ATRNL1: variants seen among roughly 807,000 people sequenced by gnomAD.
ATRNL1 encodes attractin-like protein 1.
In ATRNL1, 95 loss-of-function variants were observed where a neutral mutation model predicts 182.7. The observed-to-expected ratio is 0.52, with a 90% confidence interval of 0.44 to 0.62. ATRNL1 has a LOEUF of 0.62. Ranked by LOEUF, ATRNL1 falls within the 20% of genes least tolerant of loss-of-function variation. The pLI is 0.00. For synonymous variants in ATRNL1, 576 were observed against 568.3 expected (o/e 1.01, Z -0.19); for missense variants, 1,471 against 1,679.5 (o/e 0.88, Z 2.17).
chr10:115,685,246 A>C (rs1946178982), intron 26 of ATRNL1, among the ~76,000 whole-genome samples: 1 of 151,764 alleles, frequency 6.6e-6, no homozygotes, highest in African/African-American at 2.4e-5. Context: ...AAAATCAAGA[A>C]GTTAGAACTC....
intron 26 of ATRNL1, among the ~76,000 whole-genome samples, chr10:115,604,122 C>G (rs563508329): frequency 3.3e-4 from 50 of 151,972 alleles, no homozygotes; most frequent in Admixed American, 3.3e-3. Context: ...GCTTCTTGGC[C>G]TAATAAACTT....
intron 26 of ATRNL1, among the ~76,000 whole-genome samples, chr10:115,563,766 G>C (rs1290435739): frequency 2.0e-5 from 3 of 151,976 alleles, no homozygotes; most frequent in Admixed American, 6.6e-5. Context: ...TGAATAATTG[G>C]CTTTCACAAT....
chr10:115,901,564 C>A (rs1555113565), intron 28 of ATRNL1, among the ~76,000 whole-genome samples: 1 of 151,610 alleles, frequency 6.6e-6, no homozygotes, highest in African/African-American at 2.4e-5. Context: ...ATATGGTGCC[C>A]TTTGTCTCAT....
intron 28 of ATRNL1, among the ~76,000 whole-genome samples, chr10:115,943,120 G>A (rs1463422720): frequency 3.9e-5 from 6 of 152,152 alleles, no homozygotes. Context: ...TACTTAAGAC[G>A]CTTGTCAGCT....
chr10:115,588,859 A>G (rs1855739198), intron 26 of ATRNL1, among the ~76,000 whole-genome samples: 1 of 152,230 alleles, frequency 6.6e-6, no homozygotes, highest in Admixed American at 6.5e-5. Flanking sequence ...CATCTTGCAG[A>G]TATTACCACT....
At chr10:115,498,132 G>T (rs7071124) in intron 24 of ATRNL1, among the ~76,000 whole-genome samples, 59,816 of 151,856 alleles carry the variant, frequency 0.39, 12,716 homozygotes, top group Middle Eastern at 0.49. Context: ...TTTAAATATA[G>T]TAATTACCCA....
Position 115,219,915 on chromosome 10 carries a change from AAGAG to A in ATRNL1, c.1532+4047_1532+4050del, listed in dbSNP as rs576113531. On this transcript the variant is annotated intron_variant, in intron 9 of 28. Transcript: ENST00000355044. The stretch of plus-strand genomic sequence containing the variant: ...GAGACCCTGTCTCAAAAAAACAAAA[AAGAG>A]AGAGAGAGAGAAATGTGCACATAAC... Among the ~76,000 whole-genome samples, 56 of 151,876 alleles carry A rather than the reference AAGAG, an allele frequency of 3.7e-4. 1 individual carries two copies. Among genetic ancestry groups the A allele is most frequent in the African/African-American group, 1.3e-3 (55 of 41,458 alleles).
At chr10:115,676,551 A>G (rs1945867215) in intron 26 of ATRNL1, among the ~76,000 whole-genome samples, 1 of 151,990 alleles carries the variant, frequency 6.6e-6, no homozygotes, top group Middle Eastern at 3.2e-3. Flanking sequence ...CTATGTATGT[A>G]TATCTGTATT....
At chr10:115,872,726 C>T (rs962388568) in intron 28 of ATRNL1, among the ~76,000 whole-genome samples, 4 of 152,126 alleles carry the variant, frequency 2.6e-5, no homozygotes, top group East Asian at 1.9e-4. Context: ...TTGCAGTTTC[C>T]GGGAGATACT....
In ATRNL1 at chr10:115,097,646, C is replaced by T. The variant is rs2085048865; in HGVS notation, c.293+3603C>T. Among the ~76,000 whole-genome samples, 7 of 152,146 alleles carry T rather than the reference C, an allele frequency of 4.6e-5. No homozygotes were observed. The South Asian group carries it at 1.2e-3, about 27-fold the overall frequency. On this transcript the variant is annotated intron_variant, in intron 1 of 28. Coordinates refer to ENST00000355044, the MANE Select transcript of ATRNL1 (RefSeq NM_207303.4). ...AGCTGTTAAAAATATATGCATATTGCCTGGCTTGGTGTCTCACGCCTGTAA... is the reference window on the plus strand; with the variant it reads ...AGCTGTTAAAAATATATGCATATTGTCTGGCTTGGTGTCTCACGCCTGTAA...
At chr10:115,128,484 T>C in intron 4 of ATRNL1, 1 of 738,944 alleles carries the variant, frequency 1.4e-6, no homozygotes, top group Non-Finnish European at 1.7e-6. Context: ...TATTATGGAA[T>C]TTATTTATCC....
At chr10:115,324,398 T>G (rs1275628409) in intron 18 of ATRNL1, among the ~76,000 whole-genome samples, 1 of 152,218 alleles carries the variant, frequency 6.6e-6, no homozygotes, top group African/African-American at 2.4e-5. Context: ...TCTAGTCCTT[T>G]ATGTAAAAAA....
At chr10:115,728,079 T>C (rs1555060975) in intron 27 of ATRNL1, among the ~76,000 whole-genome samples, 1 of 126,874 alleles carries the variant, frequency 7.9e-6, no homozygotes, top group African/African-American at 3.1e-5. Context: ...ATCGCGACCA[T>C]CCTGGCTAAC....
intron 21 of ATRNL1, among the ~76,000 whole-genome samples, chr10:115,450,819 G>C (rs1554967497): frequency 6.6e-6 from 1 of 152,066 alleles, no homozygotes; most frequent in Non-Finnish European, 1.5e-5. Flanking sequence ...AATAGCCAAG[G>C]CAATTTGAAG....
At chr10:115,690,288 G>A (rs1555047666) in intron 26 of ATRNL1, among the ~76,000 whole-genome samples, 1 of 151,896 alleles carries the variant, frequency 6.6e-6, no homozygotes, top group South Asian at 2.1e-4. Flanking sequence ...ATGGGGGTGG[G>A]TATTGGGGGG....
chr10:115,809,359 A>G (rs1949995032), intron 27 of ATRNL1, among the ~76,000 whole-genome samples: 1 of 152,052 alleles, frequency 6.6e-6, no homozygotes, highest in Non-Finnish European at 1.5e-5. Flanking sequence ...AATTTATCAA[A>G]AAAATCAGAT....
chr10:115,350,763 T>C (rs1179121573), intron 19 of ATRNL1, among the ~76,000 whole-genome samples: 5 of 152,122 alleles, frequency 3.3e-5, no homozygotes, highest in African/African-American at 1.2e-4. Context: ...CCTTTTATGG[T>C]TCAATATGAA....
chr10:115,196,358 T>A (rs1348113745), intron 8 of ATRNL1, among the ~76,000 whole-genome samples: 1 of 152,128 alleles, frequency 6.6e-6, no homozygotes, highest in Non-Finnish European at 1.5e-5. Context: ...GCTCTCTAAA[T>A]CTGGCGGTGT....
At chr10:115,745,674 G>T (rs1285933092) in intron 27 of ATRNL1, among the ~76,000 whole-genome samples, 1 of 152,016 alleles carries the variant, frequency 6.6e-6, no homozygotes, top group Non-Finnish European at 1.5e-5. Context: ...ACTGTGTGAT[G>T]GTATCTTGTT....
Sources: allele counts gnomAD v4.1 joint callset (sites outside exome capture counted in the v4.1 genomes callset), GRCh38; gene constraint gnomAD v4.1.1; transcripts MANE v1.5; gene names NCBI Gene and HGNC (gene_info 2026-07-23, HGNC 2026-07-21).